Variants in MALRD1 observed in about 807,000 individuals in gnomAD.
MALRD1 encodes the protein MAM and LDL-receptor class A domain-containing protein 1.
In MALRD1, 247 loss-of-function variants were observed where a neutral mutation model predicts 242.1. The ratio of observed to expected loss-of-function variants is 1.02; its 90% CI spans 0.92 to 1.13. The LOEUF is 1.13. MALRD1 is among the 50% of genes most tolerant of loss of function. MALRD1 has a pLI of 0.00. For synonymous variants in MALRD1, 995 were observed against 866.6 expected (o/e 1.15, Z -2.60); for missense variants, 2,989 against 2,533.1 (o/e 1.18, Z -3.86).
intron 24 of MALRD1, among the ~76,000 whole-genome samples, chr10:19,334,447 G>T (rs537656786): frequency 6.6e-6 from 1 of 150,878 alleles, no homozygotes; most frequent in African/African-American, 2.4e-5. Flanking sequence ...ACCAAGAGAT[G>T]ACAAGTGTTT....
In MALRD1 at chr10:19,280,222, T is replaced by C. The variant is rs1564525274; in HGVS notation, c.3255T>C (p.Cys1085=). 1.3e-6 allele frequency: 2 copies of C among 1,487,858 alleles called. No homozygotes were observed. Among genetic ancestry groups the C allele is most frequent in the Non-Finnish European group, 1.8e-6 (2 of 1,121,114 alleles). 92.2% of individuals were successfully genotyped at this position (1,487,858 alleles called of 1,614,324 possible). ...CTGACAAATCAGATGAAGCATCCTGTGGTAGGTGGATTCTTAAAATTTGTT... is the reference window on the plus strand; with the variant it reads ...CTGACAAATCAGATGAAGCATCCTGCGGTAGGTGGATTCTTAAAATTTGTT... ...DCPDKSDEAS[C]VMEVCSFEKR... Residue 1085 remains cysteine (C), a splice_region_variant and synonymous_variant, in exon 20 of 40, where the codon TGT becomes TGC. Coordinates refer to ENST00000454679, the MANE Select transcript of MALRD1 (RefSeq NM_001142308.3).
At chr10:19,500,068 T>C (rs1004129090) in intron 31 of MALRD1, among the ~76,000 whole-genome samples, 3 of 152,212 alleles carry the variant, frequency 2.0e-5, no homozygotes, top group Admixed American at 1.3e-4. Flanking sequence ...TGGCCTGTAG[T>C]TTACTTTTTT....
intron 26 of MALRD1, among the ~76,000 whole-genome samples, chr10:19,381,916 G>A (rs1487947736): frequency 6.6e-6 from 1 of 151,936 alleles, no homozygotes; most frequent in Non-Finnish European, 1.5e-5. Context: ...GGAATAAATG[G>A]TATTTCCAAC....
chr10:19,348,098 A>G (rs1486489012), intron 25 of MALRD1, 80 bp downstream of exon 25: 12 of 1,464,760 alleles, frequency 8.2e-6, no homozygotes, highest in Non-Finnish European at 1.1e-5. Flanking sequence ...TACGGAAAAC[A>G]GAGTGGCTGG....
intron 31 of MALRD1, among the ~76,000 whole-genome samples, chr10:19,523,815 A>G (rs1833978334): frequency 6.7e-6 from 1 of 149,994 alleles, no homozygotes; most frequent in Non-Finnish European, 1.5e-5. Flanking sequence ...TATCAGATTA[A>G]TGCATACTGC....
intron 21 of MALRD1, among the ~76,000 whole-genome samples, chr10:19,293,517 C>G (rs1201725338): frequency 6.6e-6 from 1 of 152,106 alleles, no homozygotes; most frequent in Non-Finnish European, 1.5e-5. Flanking sequence ...AATTAAATCA[C>G]TTTAATTTTG....
intron 36 of MALRD1, among the ~76,000 whole-genome samples, chr10:19,617,175 G>A (rs1292942330): frequency 6.6e-6 from 1 of 151,946 alleles, no homozygotes; most frequent in Non-Finnish European, 1.5e-5. Flanking sequence ...CAAGAAAAGA[G>A]CTTTACATTC....
At chr10:19,322,283 T>C (rs1332433231) in intron 21 of MALRD1, among the ~76,000 whole-genome samples, 7 of 152,058 alleles carry the variant, frequency 4.6e-5, no homozygotes, top group Admixed American at 3.9e-4. Flanking sequence ...ACGTATGATA[T>C]ATAAGAGAAC....
chr10:19,662,740 A>C (rs1251143832), intron 36 of MALRD1, among the ~76,000 whole-genome samples: 1 of 152,184 alleles, frequency 6.6e-6, no homozygotes, highest in African/African-American at 2.4e-5. Flanking sequence ...ATTATGATTC[A>C]TCAGGGTGAC....
intron 18 of MALRD1, among the ~76,000 whole-genome samples, chr10:19,221,546 TCGTCAAACACTGATGCAAAG>T (rs1837555662): frequency 6.6e-6 from 1 of 152,170 alleles, no homozygotes; most frequent in Non-Finnish European, 1.5e-5. Context: ...TGTCACCTGT[TCGTCAAACACTGATGCAAAG>T]CTTAGTTTTC....
At chr10:19,626,777 A>G (rs1589326521) in intron 36 of MALRD1, among the ~76,000 whole-genome samples, 2 of 152,232 alleles carry the variant, frequency 1.3e-5, no homozygotes, top group Non-Finnish European at 2.9e-5. Context: ...GTGATTTTCA[A>G]TATTGCACAA....
intron 36 of MALRD1, among the ~76,000 whole-genome samples, chr10:19,631,460 T>G (rs1839901566): frequency 6.6e-6 from 1 of 152,190 alleles, no homozygotes; most frequent in African/African-American, 2.4e-5. Context: ...AACATACGCA[T>G]GCATGTGTCT....
intron 12 of MALRD1, among the ~76,000 whole-genome samples, chr10:19,163,573 C>A (rs1834537349): frequency 6.6e-6 from 1 of 151,956 alleles, no homozygotes. Flanking sequence ...GCCTGGGTGA[C>A]AAAATAATCT....
At chr10:19,278,486 T>TCC (rs1564523935) in intron 19 of MALRD1, among the ~76,000 whole-genome samples, 3 of 115,082 alleles carry the variant, frequency 2.6e-5, no homozygotes, top group East Asian at 2.8e-4. Context: ...TCCATCCATC[T>TCC]ATCCATCCAT....
chr10:19,316,753 A>C (rs574361893), intron 21 of MALRD1, among the ~76,000 whole-genome samples: 14 of 151,856 alleles, frequency 9.2e-5, no homozygotes, highest in African/African-American at 2.9e-4. Flanking sequence ...ACAGAATAGA[A>C]TGGTGGTTAT....
intron 4 of MALRD1, among the ~76,000 whole-genome samples, chr10:19,103,471 G>C (rs1371946858): frequency 6.8e-6 from 1 of 147,704 alleles, no homozygotes; most frequent in Non-Finnish European, 1.5e-5. Context: ...TGAGGCAGGA[G>C]AATGGCATGA....
intron 7 of MALRD1, 98 bp downstream of exon 7, chr10:19,124,768 C>A: frequency 1.0e-6 from 1 of 971,108 alleles, no homozygotes; most frequent in Non-Finnish European, 1.3e-6. Flanking sequence ...GGTGAATATA[C>A]TGAGTATATT....
intron 21 of MALRD1, among the ~76,000 whole-genome samples, chr10:19,313,079 T>G (rs1255889947): frequency 6.6e-6 from 1 of 151,428 alleles, no homozygotes; most frequent in African/African-American, 2.4e-5. Context: ...AGCAACATGG[T>G]GATGCTGATG....
intron 5 of MALRD1, among the ~76,000 whole-genome samples, chr10:19,108,420 T>TAAAA (rs1164451847): frequency 2.8e-4 from 8 of 28,936 alleles, no homozygotes; most frequent in Non-Finnish European, 3.9e-4. Context: ...TTTTTTTTTT[T>TAAAA]TTTTTAAGAC....
Sources: gnomAD v4.1 joint callset for allele counts (sites outside exome capture counted in the v4.1 genomes callset) on GRCh38, gnomAD v4.1.1 for gene constraint, MANE v1.5 for transcripts, NCBI Gene and HGNC (gene_info 2026-07-23, HGNC 2026-07-21) for gene names.